Variants in COL4A3 observed in about 807,000 individuals in gnomAD.
The protein encoded by COL4A3 is collagen alpha-3(IV) chain.
Under a neutral mutation model 217.4 loss-of-function variants are expected in COL4A3, and 135 were observed. That is an observed-to-expected ratio of 0.62 (90% confidence interval 0.54 to 0.72). COL4A3 has a LOEUF of 0.72. Among genes scored for constraint, COL4A3 ranks in the 30% least tolerant of loss-of-function variants. COL4A3 has a pLI of 0.00. For synonymous variants in COL4A3, 690 were observed against 736.3 expected (o/e 0.94, Z 1.02); for missense variants, 1,868 against 2,119.9 (o/e 0.88, Z 2.33).
intron 47 of COL4A3, among the ~76,000 whole-genome samples, chr2:227,306,349 T>C (rs912407064): frequency 3.3e-5 from 5 of 152,186 alleles, no homozygotes; most frequent in African/African-American, 4.8e-5. Flanking sequence ...CAGAAATGCA[T>C]TGGATATCAC....
intron 23 of COL4A3, among the ~76,000 whole-genome samples, chr2:227,269,032 C>A (rs529017465): frequency 6.6e-6 from 1 of 152,166 alleles, no homozygotes; most frequent in East Asian, 1.9e-4. Flanking sequence ...AAAAGATACA[C>A]CCCAGCTCAA....
At chr2:227,167,622 G>A (rs1411487613) in intron 1 of COL4A3, among the ~76,000 whole-genome samples, 2 of 152,180 alleles carry the variant, frequency 1.3e-5, no homozygotes, top group Admixed American at 1.3e-4. Flanking sequence ...ATGTCAAAAC[G>A]TGAAAAACAC....
chr2:227,235,118 T>G (rs2068619172), intron 1 of COL4A3, among the ~76,000 whole-genome samples: 1 of 151,186 alleles, frequency 6.6e-6, no homozygotes, highest in South Asian at 2.1e-4. Flanking sequence ...TGTGAGGGAG[T>G]AGCATGCTCG....
At position 227,250,351 on chromosome 2, in the gene COL4A3, GA is replaced by G. The variant is rs2069663525; in HGVS notation, c.547-788del. On this transcript the variant is annotated intron_variant, in intron 9 of 51. Transcript: ENST00000396578. The surrounding 1 kb of genome is among the most constrained non-coding windows in gnomAD (Gnocchi z 4.1). ...ATAGATAAAAGATGATAGATAGATA[GA>G]TAGATAGATAGATAGATAGATAGAT... Among the ~76,000 whole-genome samples the G allele has an allele frequency of 7.5e-6, 1 of 133,790 alleles. No homozygotes were observed. Among genetic ancestry groups the G allele is most frequent in the South Asian group, 2.3e-4 (1 of 4,408 alleles). 87.8% of individuals were successfully genotyped at this position (133,790 alleles called of 152,430 possible).
At chr2:227,186,048 A>C (rs993487834) in intron 1 of COL4A3, among the ~76,000 whole-genome samples, 1 of 152,210 alleles carries the variant, frequency 6.6e-6, no homozygotes, top group African/African-American at 2.4e-5. Context: ...AGAACTCAAC[A>C]GCATGGGAGT....
intron 1 of COL4A3, among the ~76,000 whole-genome samples, chr2:227,189,965 C>G (rs937827099): frequency 2.6e-5 from 4 of 152,188 alleles, no homozygotes; most frequent in South Asian, 2.1e-4. Flanking sequence ...GTTTCCTTTC[C>G]CAGAAATCAT....
At chr2:227,198,016 A>T (rs906337381) in intron 1 of COL4A3, among the ~76,000 whole-genome samples, 2 of 152,360 alleles carry the variant, frequency 1.3e-5, no homozygotes, top group African/African-American at 4.8e-5. Flanking sequence ...AATCGTGTTT[A>T]TGCAGAGGTG....
At chr2:227,212,570 T>C (rs2067369119) in intron 1 of COL4A3, among the ~76,000 whole-genome samples, 1 of 152,228 alleles carries the variant, frequency 6.6e-6, no homozygotes, top group Non-Finnish European at 1.5e-5. Flanking sequence ...TTTCTACATA[T>C]GGAGGACCCA....
intron 1 of COL4A3, among the ~76,000 whole-genome samples, chr2:227,165,015 G>C (rs912473672): frequency 2.0e-5 from 3 of 152,186 alleles, no homozygotes; most frequent in Non-Finnish European, 4.4e-5. Flanking sequence ...GGTGGAATGC[G>C]CGGGGCTGGG....
intron 1 of COL4A3, chr2:227,237,641 C>T: frequency 3.7e-6 from 1 of 267,220 alleles, no homozygotes; most frequent in Non-Finnish European, 7.4e-6. Context: ...TTGTCGTTTC[C>T]ATATATAAAT....
chr2:227,185,603 C>A (rs1306750471), intron 1 of COL4A3, among the ~76,000 whole-genome samples: 9 of 152,176 alleles, frequency 5.9e-5, no homozygotes, highest in African/African-American at 4.8e-5. Context: ...CACTGATTTT[C>A]CCCTACTCCC....
intron 1 of COL4A3, among the ~76,000 whole-genome samples, chr2:227,211,087 G>A (rs6436662): frequency 0.21 from 31,346 of 151,792 alleles, 4,127 homozygotes; most frequent in Non-Finnish European, 0.3. Context: ...TGCAACCTCC[G>A]CCTCCCAGGT....
In COL4A3 at chr2:227,294,932, T is replaced by C. The variant is rs763226820; in HGVS notation, c.3419-32T>C. The C allele has an allele frequency of 3.4e-6, 5 of 1,450,840 alleles. No homozygotes were observed. In the Admixed American group the frequency reaches 9.3e-5, roughly 27 times the overall value. The allele number at this position is 1,450,840 out of a possible 1,614,324, so 89.9% of individuals were successfully genotyped here. On this transcript the variant is annotated intron_variant, in intron 39 of 51. Coordinates refer to ENST00000396578, the MANE Select transcript of COL4A3 (RefSeq NM_000091.5). ...AATCCTCTTTTTGTATACCATAGTT[T>C]GGGGTTTTTGGGTTTTTTTTTTTTT...
At chr2:227,264,048 T>A in intron 21 of COL4A3, 104 bp downstream of exon 21, 1 of 1,330,840 alleles carries the variant, frequency 7.5e-7, no homozygotes, top group Non-Finnish European at 1.1e-6. Flanking sequence ...TCAGTCTGTG[T>A]GGTTTTTATG....
intron 35 of COL4A3, among the ~76,000 whole-genome samples, 186 bp downstream of exon 35, chr2:227,289,434 C>T (rs1445266324): frequency 1.3e-5 from 2 of 152,138 alleles, no homozygotes; most frequent in African/African-American, 2.4e-5. Context: ...AACTAACATA[C>T]ATTAACCTAC....
rs1487179988 is a variant in COL4A3 at position 227,164,837 on chromosome 2, C to G, written c.87+24C>G. The G allele has an allele frequency of 1.1e-5, 16 of 1,495,462 alleles. No individual in the cohort carries two copies. In the East Asian group the frequency reaches 2.1e-4, roughly 20 times the overall value. 92.6% of individuals were successfully genotyped at this position (1,495,462 alleles called of 1,614,324 possible). On this transcript the variant is annotated intron_variant, in intron 1 of 51. Coordinates refer to ENST00000396578, the MANE Select transcript of COL4A3 (RefSeq NM_000091.5). This position sits in a 1 kb window ranked among gnomAD's most constrained non-coding sequence, Gnocchi z 4.8. ...AGGTGAGTGGGGGCTGCGCGACCCC[C>G]ACCCCCGCACTTCCATCCCTCCTCC...
At chr2:227,304,327 C>A in intron 46 of COL4A3, 183 bp downstream of exon 46, 1 of 691,510 alleles carries the variant, frequency 1.4e-6, no homozygotes, top group Non-Finnish European at 2.4e-6. Context: ...ACCTTGGAAT[C>A]TATTGAAAGC....
Position 227,280,790 on chromosome 2 carries a change from T to C in COL4A3, c.2375-103T>C, listed in dbSNP as rs2071908053. The C allele has an allele frequency of 3.8e-6, 4 of 1,046,722 alleles. No individual in the cohort carries two copies. The East Asian group carries it at 7.8e-5, about 20-fold the overall frequency. 64.8% of individuals were successfully genotyped at this position (1,046,722 alleles called of 1,614,324 possible). On this transcript the variant is annotated intron_variant, in intron 30 of 51. Coordinates refer to ENST00000396578, the MANE Select transcript of COL4A3 (RefSeq NM_000091.5). Reference sequence around the variant, plus strand: ...GCATATTAATGGCAGTAAATATAGATCTGATTTAGGTGGAAAAAAAGTTAA... The same window carrying C: ...GCATATTAATGGCAGTAAATATAGACCTGATTTAGGTGGAAAAAAAGTTAA...
intron 34 of COL4A3, among the ~76,000 whole-genome samples, chr2:227,284,729 C>T (rs931697589): frequency 6.6e-6 from 1 of 152,190 alleles, no homozygotes; most frequent in African/African-American, 2.4e-5. Flanking sequence ...TCAAATTCAA[C>T]TTTATTCTGT....
Sources: gnomAD v4.1 joint callset for allele counts (sites outside exome capture counted in the v4.1 genomes callset) on GRCh38, gnomAD v4.1.1 for gene constraint, Gnocchi (gnomAD v3.1) non-coding constraint, MANE v1.5 for transcripts, NCBI Gene and HGNC (gene_info 2026-07-23, HGNC 2026-07-21) for gene names.